EGR1: variants seen among roughly 807,000 people sequenced by gnomAD.
The protein encoded by EGR1 is early growth response 1, also known as early growth response protein 1.
In EGR1, 8 loss-of-function variants were observed where a neutral mutation model predicts 30.2. The observed-to-expected ratio is 0.26, with a 90% confidence interval of 0.16 to 0.48. The LOEUF (loss-of-function observed/expected upper bound fraction) is 0.48. EGR1 is among the 20% of genes least tolerant of loss of function. The probability of loss-of-function intolerance (pLI) is 0.99; values close to 1 mark genes in which losing one functional copy is unlikely to be tolerated. For missense variants in EGR1, 568 were observed against 732.3 expected (o/e 0.78, Z 2.59); for synonymous variants, 334 against 312.8 (o/e 1.07, Z -0.72).
chr5:138,469,213 C>G lies in EGR1; in HGVS notation c.*1132C>G, dbSNP rs1028396628. 6 of 152,126 alleles carry G rather than the reference C, an allele frequency of 3.9e-5. No homozygotes were observed. The highest frequency in any genetic ancestry group is 1.4e-4 in the African/African-American group (6 of 41,408). 9.4% of individuals were successfully genotyped at this position (152,126 alleles called of 1,614,324 possible). On this transcript the variant is annotated 3_prime_UTR_variant, in exon 2 of 2. Transcript: ENST00000239938. Reference sequence around the variant, plus strand: ...ACTTGTGTTTGCTTAAACAAAGTGACTGTTTGGCTTATAAACACATTGAAT... The same window carrying G: ...ACTTGTGTTTGCTTAAACAAAGTGAGTGTTTGGCTTATAAACACATTGAAT...
chr5:138,467,940 C>A lies in EGR1; in HGVS notation c.1491C>A (p.Thr497=). The A allele has an allele frequency of 6.2e-7, 1 of 1,614,000 alleles. No homozygotes were observed. The highest frequency in any genetic ancestry group is 8.5e-7 in the Non-Finnish European group (1 of 1,179,922). ...HSGFPSPSVA[T]TYSSVPPAFP... ...GCTTCCCCTCCCCGTCGGTGGCCAC[C>A]ACGTACTCCTCTGTTCCCCCTGCTT... The change falls in exon 2 of 2, where the codon ACC becomes ACA. Residue 497 remains threonine (T), a synonymous_variant. Transcript: ENST00000239938. The surrounding 1 kb of genome is among the most constrained non-coding windows in gnomAD (Gnocchi z 8.3).
rs770593593 is a variant in EGR1, at chr5:138,467,114, G to A, written c.665G>A (p.Ser222Asn). ...PNTDIFPEPQ[S>N]QAFPGSAGTA... ...ACTGACATTTTCCCTGAGCCACAAA[G>A]CCAGGCCTTCCCGGGCTCGGCAGGG... The change falls in exon 2 of 2, where the codon AGC becomes AAC. Residue 222 changes from serine (S) to asparagine (N), a missense_variant. Around this residue, in one of 4 missense-constraint regions of EGR1, gnomAD observed 415 missense variants for 445.2 expected, o/e 0.93. Coordinates refer to ENST00000239938, the MANE Select transcript of EGR1 (RefSeq NM_001964.3). This position sits in a 1 kb window ranked among gnomAD's most constrained non-coding sequence, Gnocchi z 8.3. 1.2e-6 allele frequency: 2 copies of A among 1,613,762 alleles called. No homozygotes were observed. Among genetic ancestry groups the A allele is most frequent in the Non-Finnish European group, 8.5e-7 (1 of 1,180,014 alleles).
rs141704626 is a variant in EGR1 at position 138,465,903 on chromosome 5, T to C, written c.142T>C (p.Phe48Leu). 158 of 1,613,624 alleles carry C rather than the reference T, an allele frequency of 9.8e-5. No individual in the cohort carries two copies. Among genetic ancestry groups the C allele is most frequent in the Non-Finnish European group, 1.2e-4 (142 of 1,179,818 alleles). ...GCTGCTGAGCAACGGGGCTCCCCAGTTCCTCGGCGCCGCCGGGGCCCCAGA... is the reference window on the plus strand; with the variant it reads ...GCTGCTGAGCAACGGGGCTCCCCAGCTCCTCGGCGCCGCCGGGGCCCCAGA... The part of the protein sequence containing the change: ...MMLLSNGAPQ[F>L]LGAAGAPEGS... Residue 48 changes from phenylalanine (F) to leucine (L), a missense_variant, in exon 1 of 2, where the codon TTC (phenylalanine) becomes CTC (leucine). Transcript: ENST00000239938.
Position 138,465,678 on chromosome 5 carries a change from C to A in EGR1, c.-84C>A. On this transcript the variant is annotated 5_prime_UTR_variant, in exon 1 of 2. Coordinates refer to ENST00000239938, the MANE Select transcript of EGR1 (RefSeq NM_001964.3). ...GCGCCCCGCATGTAACCCGGCCAGGCCCCCGCAACTGTGTCCCCTGCAGCT... is the reference window on the plus strand; with the variant it reads ...GCGCCCCGCATGTAACCCGGCCAGGACCCCGCAACTGTGTCCCCTGCAGCT... 4 of 1,407,256 alleles carry A rather than the reference C, an allele frequency of 2.8e-6. No individual in the cohort carries two copies. Among genetic ancestry groups the A allele is most frequent in the Non-Finnish European group, 3.7e-6 (4 of 1,069,884 alleles). 87.2% of individuals were successfully genotyped at this position (1,407,256 alleles called of 1,614,324 possible).
Position 138,465,587 on chromosome 5 carries a change from G to C in EGR1, c.-175G>C. The C allele has an allele frequency of 3.6e-6, 2 of 554,070 alleles. No homozygotes were observed. The allele number at this position is 554,070 out of a possible 1,614,324, so 34.3% of individuals were successfully genotyped here. A position where few individuals can be genotyped will look rare whatever the true frequency, so the allele number is the denominator to read the frequency against. On this transcript the variant is annotated 5_prime_UTR_variant, in exon 1 of 2. Transcript: ENST00000239938. ...CTGCCCCAGCCTCCGCAGCCGCGGC[G>C]CGTCCACGCCCGCCCGCGCCCAGGG... is the stretch of plus-strand genomic sequence containing the variant.
chr5:138,466,642 AC>A, intron 1 of EGR1, 114 bp from the exon 2 acceptor site: 1 of 1,169,914 alleles, frequency 8.5e-7, no homozygotes, highest in Non-Finnish European at 1.2e-6. Context: ...ATTATTAACT[AC>A]CTCGGGAGTC....
chr5:138,468,232 G>T lies in EGR1; in HGVS notation c.*151G>T. ...TCCTCCCTCTCTACTGGAGTGGAAG[G>T]TCTATTGGCCAACAATCCTTTCTGC... is the stretch of plus-strand genomic sequence containing the variant. On this transcript the variant is annotated 3_prime_UTR_variant, in exon 2 of 2. Transcript: ENST00000239938. 1 of 1,490,668 alleles carries T rather than the reference G, an allele frequency of 6.7e-7. No individual in the cohort carries two copies. Among genetic ancestry groups the T allele is most frequent in the East Asian group, 2.5e-5 (1 of 40,696 alleles). The allele number at this position is 1,490,668 out of a possible 1,614,324, so 92.3% of individuals were successfully genotyped here.
chr5:138,466,413 C>T (rs1764158893), intron 1 of EGR1, among the ~76,000 whole-genome samples: 2 of 152,382 alleles, frequency 1.3e-5, no homozygotes. Context: ...CAAGGAAGGA[C>T]CGTGATCCTT....
At position 138,467,130 on chromosome 5, in the gene EGR1, C is replaced by T. The variant is rs1332221065; in HGVS notation, c.681C>T (p.Gly227=). Reference sequence around the variant, plus strand: ...AGCCACAAAGCCAGGCCTTCCCGGGCTCGGCAGGGACAGCGCTCCAGTACC... The same window carrying T: ...AGCCACAAAGCCAGGCCTTCCCGGGTTCGGCAGGGACAGCGCTCCAGTACC... The part of the protein sequence containing the change: ...FPEPQSQAFP[G]SAGTALQYPP... The change falls in exon 2 of 2, where the codon GGC becomes GGT. Residue 227 remains glycine, a synonymous_variant. Transcript: ENST00000239938. The surrounding 1 kb of genome is among the most constrained non-coding windows in gnomAD (Gnocchi z 8.3). 2.5e-6 allele frequency: 4 copies of T among 1,613,468 alleles called. No individual in the cohort carries two copies. Among genetic ancestry groups the T allele is most frequent in the African/African-American group, 2.7e-5 (2 of 74,904 alleles).
chr5:138,467,004 C>T lies in EGR1; in HGVS notation c.555C>T (p.Ser185=). ...CAGCGGCCTCCTCCGCCTCCGCCTCCCAGAGCCCACCCCTGAGCTGCGCAG... is the reference window on the plus strand; with the variant it reads ...CAGCGGCCTCCTCCGCCTCCGCCTCTCAGAGCCCACCCCTGAGCTGCGCAG... ...PSPAASSASA[S]QSPPLSCAVP... is the part of the protein sequence containing the mutation. The change falls in exon 2 of 2, where the codon TCC becomes TCT. Residue 185 remains serine (S), a synonymous_variant. Coordinates refer to ENST00000239938, the MANE Select transcript of EGR1 (RefSeq NM_001964.3). The surrounding 1 kb of genome is among the most constrained non-coding windows in gnomAD (Gnocchi z 8.3). 1 of 1,614,042 alleles carries T rather than the reference C, an allele frequency of 6.2e-7. No individual in the cohort carries two copies. Among genetic ancestry groups the T allele is most frequent in the Non-Finnish European group, 8.5e-7 (1 of 1,180,020 alleles).
chr5:138,466,179 A>C (rs1285416249), intron 1 of EGR1, 111 bp downstream of exon 1: 2 of 1,422,568 alleles, frequency 1.4e-6, no homozygotes, highest in Non-Finnish European at 1.8e-6. Flanking sequence ...TTTCCCTTTC[A>C]TTCCTCGCAT....
Position 138,466,063 on chromosome 5 carries a change from C to T in EGR1, c.302C>T (p.Thr101Ile). 2 of 1,579,066 alleles carry T rather than the reference C, an allele frequency of 1.3e-6. No homozygotes were observed. Among genetic ancestry groups the T allele is most frequent in the Non-Finnish European group, 1.7e-6 (2 of 1,164,480 alleles). The change falls in exon 1 of 2, where the codon ACC becomes ATC. Residue 101 changes from threonine to isoleucine, a missense_variant. Thr to Ile is a moderately conservative substitution (Grantham distance 89). This residue lies in a region of EGR1 where 415 missense variants were observed against 445.2 expected (regional missense o/e 0.93). Transcript: ENST00000239938. ...DTGEQPYEHLTAESFPDISLN... is the reference protein window; with the variant it reads ...DTGEQPYEHLIAESFPDISLN... ...GGCGAGCAGCCCTACGAGCACCTGA[C>T]CGCAGGTAAGCAGTGGCCTACGCCG... is the stretch of plus-strand genomic sequence containing the variant.
Position 138,469,213 on chromosome 5 carries a change from C to A in EGR1, c.*1132C>A, listed in dbSNP as rs1028396628. 1 of 152,126 alleles carries A rather than the reference C, an allele frequency of 6.6e-6. No individual in the cohort carries two copies. Among genetic ancestry groups the A allele is most frequent in the Non-Finnish European group, 1.5e-5 (1 of 68,038 alleles). The allele number at this position is 152,126 out of a possible 1,614,324, so 9.4% of individuals were successfully genotyped here. ...ACTTGTGTTTGCTTAAACAAAGTGA[C>A]TGTTTGGCTTATAAACACATTGAAT... On this transcript the variant is annotated 3_prime_UTR_variant, in exon 2 of 2. Coordinates refer to ENST00000239938, the MANE Select transcript of EGR1 (RefSeq NM_001964.3).
In EGR1 at chr5:138,465,933, AGCG is replaced by A. The variant is rs1229809672; in HGVS notation, c.175_177del (p.Gly59del). ...CGGCGCCGCCGGGGCCCCAGAGGGCAGCGGCAGCAACAGCAGCAGCAGCAGCAG... is the reference window on the plus strand; with the variant it reads ...CGGCGCCGCCGGGGCCCCAGAGGGCAGCAGCAACAGCAGCAGCAGCAGCAG... On this transcript the variant is annotated inframe_deletion, in exon 1 of 2. Coordinates refer to ENST00000239938, the MANE Select transcript of EGR1 (RefSeq NM_001964.3). The A allele has an allele frequency of 8.1e-6, 13 of 1,613,202 alleles. No homozygotes were observed. The highest frequency in any genetic ancestry group is 1.1e-5 in the Non-Finnish European group (13 of 1,179,696).
rs2127037456 is a variant in EGR1 at position 138,467,237 on chromosome 5, A to G, written c.788A>G (p.Asp263Gly). The change falls in exon 2 of 2, where the codon GAT (aspartate) becomes GGT (glycine). Residue 263 changes from aspartate (D) to glycine (G), a missense_variant. This residue lies in a region of EGR1 where 415 missense variants were observed against 445.2 expected (regional missense o/e 0.93). Coordinates refer to ENST00000239938, the MANE Select transcript of EGR1 (RefSeq NM_001964.3). The surrounding 1 kb of genome is among the most constrained non-coding windows in gnomAD (Gnocchi z 8.3). ...TACCTGTTTCCACAGCAGCAGGGGG[A>G]TCTGGGCCTGGGCACCCCAGACCAG... The part of the protein sequence containing the change: ...PDYLFPQQQG[D>G]LGLGTPDQKP... 1.2e-6 allele frequency: 2 copies of G among 1,613,480 alleles called. No individual in the cohort carries two copies. Among genetic ancestry groups the G allele is most frequent in the Non-Finnish European group, 1.7e-6 (2 of 1,179,972 alleles).
rs1764148093 is a variant in EGR1, at chr5:138,465,834, C to T, written c.73C>T (p.His25Tyr). 2 of 1,613,856 alleles carry T rather than the reference C, an allele frequency of 1.2e-6. No individual in the cohort carries two copies. Among genetic ancestry groups the T allele is most frequent in the Admixed American group, 1.7e-5 (1 of 60,002 alleles). The part of the protein sequence containing the change: ...QISDPFGSFP[H>Y]SPTMDNYPKL... The stretch of plus-strand genomic sequence containing the variant: ...CTCTGACCCGTTCGGATCCTTTCCT[C>T]ACTCGCCCACCATGGACAACTACCC... Residue 25 changes from histidine to tyrosine, a missense_variant, in exon 1 of 2, where the codon CAC (histidine) becomes TAC (tyrosine). Coordinates refer to ENST00000239938, the MANE Select transcript of EGR1 (RefSeq NM_001964.3).
In EGR1 at chr5:138,467,419, T is replaced by C; in HGVS notation, c.970T>C (p.Tyr324His). 6.2e-7 allele frequency: 1 copy of C among 1,614,154 alleles called. No individual in the cohort carries two copies. ...CATCAAACCCAGCCGCATGCGCAAG[T>C]ACCCCAACCGGCCCAGCAAGACGCC... ...QLIKPSRMRK[Y>H]PNRPSKTPPH... is the part of the protein sequence containing the mutation. The change falls in exon 2 of 2, where the codon TAC (tyrosine) becomes CAC (histidine). Residue 324 changes from tyrosine to histidine, a missense_variant. Tyr to His is a moderately conservative substitution (Grantham distance 83, BLOSUM62 2). Transcript: ENST00000239938. This position sits in a 1 kb window ranked among gnomAD's most constrained non-coding sequence, Gnocchi z 8.3.
Position 138,468,068 on chromosome 5 carries a change from T to C in EGR1, c.1619T>C (p.Ile540Thr), listed in dbSNP as rs1404629415. The C allele has an allele frequency of 6.4e-7, 1 of 1,563,112 alleles. No homozygotes were observed. The highest frequency in any genetic ancestry group is 8.7e-7 in the Non-Finnish European group (1 of 1,155,614). Reference sequence around the variant, plus strand: ...ACAGCAACCTTTTCTCCCAGGACAATTGAAATTTGCTAAAGGGAAAGGGGA... The same window carrying C: ...ACAGCAACCTTTTCTCCCAGGACAACTGAAATTTGCTAAAGGGAAAGGGGA... ...DMTATFSPRT[I>T]EIC The change falls in exon 2 of 2, where the codon ATT becomes ACT. Residue 540 changes from isoleucine (I) to threonine (T), a missense_variant. Around this residue, in one of 4 missense-constraint regions of EGR1, gnomAD observed 118 missense variants for 161.6 expected, o/e 0.73. Transcript: ENST00000239938.
At position 138,465,803 on chromosome 5, in the gene EGR1, G is replaced by A. The variant is rs1373958039; in HGVS notation, c.42G>A (p.Leu14=). The A allele has an allele frequency of 1.9e-6, 3 of 1,613,352 alleles. No individual in the cohort carries two copies. The highest frequency in any genetic ancestry group is 1.7e-5 in the Admixed American group (1 of 59,952). Residue 14 remains leucine (L), a synonymous_variant, in exon 1 of 2, where the codon CTG becomes CTA. Transcript: ENST00000239938. The part of the protein sequence containing the change: ...AKAEMQLMSP[L]QISDPFGSFP... ...CCGAGATGCAGCTGATGTCCCCGCT[G>A]CAGATCTCTGACCCGTTCGGATCCT...
Sources: allele counts gnomAD v4.1 joint callset (sites outside exome capture counted in the v4.1 genomes callset), GRCh38; gene constraint gnomAD v4.1.1; regional missense constraint gnomAD v4.1.1; non-coding constraint Gnocchi (gnomAD v3.1); transcripts MANE v1.5; gene names NCBI Gene and HGNC (gene_info 2026-07-23, HGNC 2026-07-21).